CCDC171: variants seen among roughly 807,000 people sequenced by gnomAD.
CCDC171 encodes coiled-coil domain-containing protein 171.
CCDC171 carries 177 observed loss-of-function variants against 168.2 expected under a neutral mutation model. The ratio of observed to expected loss-of-function variants is 1.05; its 90% CI spans 0.93 to 1.19. The LOEUF is 1.19. CCDC171 is among the 50% of genes most tolerant of loss of function. The pLI is 0.00. For synonymous variants in CCDC171, 687 were observed against 540.8 expected, an observed-to-expected ratio of 1.27 and a Z score of -3.75; for missense variants, 1,991 against 1,539.0, an observed-to-expected ratio of 1.29 and a Z score of -4.91.
chr9:15,764,255 A>G (rs1554802256), intron 18 of CCDC171, among the ~76,000 whole-genome samples: 1 of 152,240 alleles, frequency 6.6e-6, no homozygotes, highest in Non-Finnish European at 1.5e-5. Flanking sequence ...ATAAGATGGG[A>G]TACCATCGGA....
intron 6 of CCDC171, among the ~76,000 whole-genome samples, chr9:15,614,012 T>C (rs1025483155): frequency 1.3e-5 from 2 of 152,228 alleles, no homozygotes; most frequent in African/African-American, 4.8e-5. Context: ...AACAAATAAG[T>C]CTTCTAGCCT....
intron 21 of CCDC171, among the ~76,000 whole-genome samples, chr9:15,803,644 A>G (rs2058934174): frequency 6.6e-6 from 1 of 152,130 alleles, no homozygotes; most frequent in South Asian, 2.1e-4. Context: ...TACCAGTACC[A>G]TGCTGTTTTG....
chr9:15,993,765 CA>C (rs1158678423), intron 3 of CCDC171, among the ~76,000 whole-genome samples: 2 of 152,176 alleles, frequency 1.3e-5, no homozygotes, highest in African/African-American at 4.8e-5. Context: ...ACAACCCCAT[CA>C]AAAAGTGGCA....
chr9:16,035,082 G>A (rs1308233709), intron 6 of CCDC171, among the ~76,000 whole-genome samples: 2 of 152,152 alleles, frequency 1.3e-5, no homozygotes, highest in Admixed American at 1.3e-4. Context: ...TGAGAATAAA[G>A]AAAACTTAGG....
intron 10 of CCDC171, among the ~76,000 whole-genome samples, chr9:15,679,626 T>C (rs996099454): frequency 6.6e-6 from 1 of 152,184 alleles, no homozygotes; most frequent in Non-Finnish European, 1.5e-5. Flanking sequence ...CCTAGCTCAC[T>C]GAAATCTGCA....
intron 7 of CCDC171, among the ~76,000 whole-genome samples, chr9:15,653,745 A>G (rs188717065): frequency 3.5e-4 from 54 of 152,196 alleles, no homozygotes; most frequent in African/African-American, 1.2e-3. Context: ...TTTTTAAAAG[A>G]TAAGGGTTTA....
rs187466632 is a variant in CCDC171 at position 15,991,245 on chromosome 9, C to T, written n.369-29344C>T. 1.2e-3 allele frequency among the ~76,000 whole-genome samples: 184 copies of T among 152,214 alleles called. 1 individual carries two copies. The highest frequency in any genetic ancestry group is 1.8e-3 in the African/African-American group (74 of 41,516). On this transcript the variant is annotated intron_variant and non_coding_transcript_variant, in intron 3 of 9. Transcript: ENST00000486641. The stretch of plus-strand genomic sequence containing the variant: ...AAAATTATAAACTCAGACCACAGTG[C>T]GATCAAACTAGAACTCAGGATTAAG...
At chr9:15,827,916 A>G (rs1422746463) in intron 21 of CCDC171, among the ~76,000 whole-genome samples, 1 of 152,186 alleles carries the variant, frequency 6.6e-6, no homozygotes, top group Non-Finnish European at 1.5e-5. Context: ...AATGAAGGAA[A>G]AGGATTCATC....
chr9:15,582,929 TAA>T (rs556128674), intron 4 of CCDC171, among the ~76,000 whole-genome samples: 12 of 131,746 alleles, frequency 9.1e-5, no homozygotes, highest in South Asian at 2.4e-4. Flanking sequence ...CTTAAAGTAT[TAA>T]AAAAAAAAAA....
intron 4 of CCDC171, among the ~76,000 whole-genome samples, chr9:15,590,468 A>C (rs2041895038): frequency 1.3e-5 from 2 of 152,192 alleles, no homozygotes; most frequent in Non-Finnish European, 1.5e-5. Context: ...CAGACCTGGA[A>C]GCATTTCCTT....
intron 3 of CCDC171, among the ~76,000 whole-genome samples, chr9:15,574,605 T>G (rs1050298651): frequency 2.0e-5 from 3 of 152,186 alleles, no homozygotes; most frequent in East Asian, 3.8e-4. Context: ...TTTCTTTAGA[T>G]GATCATACTT....
At chr9:15,587,736 T>C (rs1342283700) in intron 4 of CCDC171, 4 of 436,192 alleles carry the variant, frequency 9.2e-6, no homozygotes, top group South Asian at 6.6e-5. Context: ...TTATAGTTTC[T>C]AACTTTTAAT....
intron 6 of CCDC171, among the ~76,000 whole-genome samples, chr9:15,594,959 ATG>A (rs145168855): frequency 0.011 from 1,686 of 152,284 alleles, 32 homozygotes; most frequent in African/African-American, 0.038. Context: ...TGATAACACA[ATG>A]TGTTTTATGT....
intron 5 of CCDC171, 139 bp downstream of exon 5, chr9:15,591,695 AG>A (rs761655046): frequency 1.7e-6 from 1 of 587,314 alleles, no homozygotes; most frequent in Non-Finnish European, 2.9e-6. Flanking sequence ...TTTCTTTTTT[AG>A]GGGCATATTT....
At chr9:15,909,202 G>A (rs77672917) in intron 24 of CCDC171, among the ~76,000 whole-genome samples, 3 of 152,212 alleles carry the variant, frequency 2.0e-5, no homozygotes, top group East Asian at 1.9e-4. Flanking sequence ...CTTCTACCCC[G>A]TCTCCTACCT....
intron 3 of CCDC171, among the ~76,000 whole-genome samples, chr9:15,575,223 T>C (rs965561123): frequency 2.1e-5 from 3 of 143,158 alleles, no homozygotes; most frequent in Non-Finnish European, 4.5e-5. Context: ...TGGAGTGCAA[T>C]GGTGTGATCT....
At position 15,665,172 on chromosome 9, in the gene CCDC171, G is replaced by A. The variant is rs191474540; in HGVS notation, c.916-991G>A. On this transcript the variant is annotated intron_variant, in intron 8 of 25. Coordinates refer to ENST00000380701, the MANE Select transcript of CCDC171 (RefSeq NM_173550.4). ...GAGGGAAGGTCTCACTGTTAATCAG[G>A]CTGGAGTGCAGTGGTGCAATCACAG... Among the ~76,000 whole-genome samples the A allele has an allele frequency of 6.3e-4, 96 of 151,954 alleles. 1 individual carries two copies. The highest frequency in any genetic ancestry group is 2.1e-3 in the Admixed American group (32 of 15,250).
At chr9:15,859,768 T>C (rs2061486447) in intron 23 of CCDC171, among the ~76,000 whole-genome samples, 1 of 151,820 alleles carries the variant, frequency 6.6e-6, no homozygotes, top group South Asian at 2.1e-4. Context: ...CAAGAGATCC[T>C]CCTACCTCAG....
chr9:16,002,039 A>T (rs1832562349), intron 3 of CCDC171, among the ~76,000 whole-genome samples: 1 of 150,894 alleles, frequency 6.6e-6, no homozygotes, highest in Non-Finnish European at 1.5e-5. Flanking sequence ...TATGTTGCCC[A>T]GATTGGTCTT....
Sources: allele counts gnomAD v4.1 joint callset (sites outside exome capture counted in the v4.1 genomes callset), GRCh38; gene constraint gnomAD v4.1.1; transcripts MANE v1.5; gene names NCBI Gene and HGNC (gene_info 2026-07-23, HGNC 2026-07-21).